The following PHACTR3 variants were observed in gnomAD, a reference collection of about 807,000 sequenced individuals.
PHACTR3 encodes the protein phosphatase and actin regulator 3.
PHACTR3 carries 16 observed loss-of-function variants against 66.8 expected under a neutral mutation model. That is an observed-to-expected ratio of 0.24 (90% CI 0.16 to 0.36). PHACTR3 has a LOEUF of 0.36. Ranked by LOEUF, PHACTR3 falls within the 10% of genes least tolerant of loss-of-function variation. The pLI is 1.00. For synonymous variants in PHACTR3, 323 were observed against 292.1 expected (o/e 1.11, Z -1.08); for missense variants, 647 against 719.9 (o/e 0.90, Z 1.16).
At chr20:59,685,594 G>A (rs1342159996) in intron 1 of PHACTR3, among the ~76,000 whole-genome samples, 1 of 152,160 alleles carries the variant, frequency 6.6e-6, no homozygotes, top group Non-Finnish European at 1.5e-5. Context: ...GTTGATCCTG[G>A]AGTTCCGGCC....
chr20:59,651,920 G>C (rs2035474110), intron 1 of PHACTR3, among the ~76,000 whole-genome samples: 1 of 152,080 alleles, frequency 6.6e-6, no homozygotes, highest in South Asian at 2.1e-4. Context: ...GATATAAAAG[G>C]AGATTTATTA....
chr20:59,820,401 G>A lies in PHACTR3; in HGVS notation c.1328+14207G>A, dbSNP rs533783180. ...GATCAGGCAAAATGGTGGCTATCAT[G>A]TATGGATCTTGTACGTTCTGCTTTT... On this transcript the variant is annotated intron_variant, in intron 8 of 12. Coordinates refer to ENST00000371015, the MANE Select transcript of PHACTR3 (RefSeq NM_080672.5). The surrounding 1 kb of genome is among the most constrained non-coding windows in gnomAD (Gnocchi z 4.6). 6.6e-6 allele frequency among the ~76,000 whole-genome samples: 1 copy of A among 152,346 alleles called. No homozygotes were observed. The highest frequency in any genetic ancestry group is 6.5e-5 in the Admixed American group (1 of 15,308).
intron 7 of PHACTR3, among the ~76,000 whole-genome samples, chr20:59,796,337 A>C (rs1328402538): frequency 6.6e-6 from 1 of 152,060 alleles, no homozygotes; most frequent in Non-Finnish European, 1.5e-5. Context: ...AGCTATAGTT[A>C]TTTTTGACCA....
intron 1 of PHACTR3, among the ~76,000 whole-genome samples, chr20:59,608,346 A>C (rs1241945147): frequency 6.6e-6 from 1 of 152,074 alleles, no homozygotes; most frequent in African/African-American, 2.4e-5. Flanking sequence ...GTATCTACAC[A>C]ATGTGCCTCT....
intron 1 of PHACTR3, among the ~76,000 whole-genome samples, chr20:59,645,485 C>T (rs901499571): frequency 5.3e-5 from 8 of 152,150 alleles, no homozygotes; most frequent in Non-Finnish European, 1.0e-4. Flanking sequence ...TGTGTGTCCG[C>T]CCCACACTGC....
chr20:59,791,452 G>A (rs546222662), intron 7 of PHACTR3, among the ~76,000 whole-genome samples: 45 of 152,142 alleles, frequency 3.0e-4, no homozygotes, highest in Non-Finnish European at 4.1e-4. Context: ...TAGGTTGAAG[G>A]GTGGCTCTGA....
chr20:59,818,257 C>G (rs1005128695), intron 8 of PHACTR3, among the ~76,000 whole-genome samples: 3 of 152,178 alleles, frequency 2.0e-5, no homozygotes, highest in Non-Finnish European at 2.9e-5. Context: ...TTACTTTCCT[C>G]CTCTGTAAAA....
chr20:59,734,180 G>T (rs1417245652), intron 1 of PHACTR3, among the ~76,000 whole-genome samples: 2 of 152,156 alleles, frequency 1.3e-5, no homozygotes, highest in African/African-American at 4.8e-5. Flanking sequence ...GGGTCCTCAA[G>T]TTCCAGTGCA....
rs757372225 is a variant in PHACTR3, at chr20:59,840,470, T to TCTAGAGAACAGCTGCTTCGGTAGC, written c.1446+41_1446+64dup. 19 of 1,609,076 alleles carry TCTAGAGAACAGCTGCTTCGGTAGC rather than the reference T, an allele frequency of 1.2e-5. No individual in the cohort carries two copies. In the East Asian group the frequency reaches 4.2e-4, roughly 36 times the overall value. ...TTATTGCCTGAATAATAAAAGGTGG[T>TCTAGAGAACAGCTGCTTCGGTAGC]CTAGAGAACAGCTGCTTCGGTAGCA... On this transcript the variant is annotated intron_variant, in intron 10 of 12. Coordinates refer to ENST00000371015, the MANE Select transcript of PHACTR3 (RefSeq NM_080672.5).
At chr20:59,780,630 G>T (rs6092825) in intron 7 of PHACTR3, among the ~76,000 whole-genome samples, 2 of 152,060 alleles carry the variant, frequency 1.3e-5, no homozygotes, top group Non-Finnish European at 2.9e-5. Flanking sequence ...TAGGAATTTT[G>T]GGGGACACAA....
At chr20:59,719,098 G>A (rs2038197542) in intron 1 of PHACTR3, among the ~76,000 whole-genome samples, 1 of 152,216 alleles carries the variant, frequency 6.6e-6, no homozygotes, top group African/African-American at 2.4e-5. Flanking sequence ...AATTAAGAAT[G>A]CACCTCCCCC....
intron 1 of PHACTR3, among the ~76,000 whole-genome samples, chr20:59,649,064 TC>T (rs2035378736): frequency 6.6e-6 from 1 of 152,202 alleles, no homozygotes; most frequent in Non-Finnish European, 1.5e-5. Flanking sequence ...TGGATGATTT[TC>T]CCCCAGAGTT....
intron 1 of PHACTR3, among the ~76,000 whole-genome samples, chr20:59,731,375 G>T (rs540743630): frequency 6.6e-6 from 1 of 152,302 alleles, no homozygotes; most frequent in South Asian, 2.1e-4. Flanking sequence ...TGCAAATGCA[G>T]ATGCATCCTA....
chr20:59,630,960 A>G (rs537440693), intron 1 of PHACTR3, among the ~76,000 whole-genome samples: 260 of 152,252 alleles, frequency 1.7e-3, no homozygotes, highest in Non-Finnish European at 3.0e-3. Flanking sequence ...GTTCATGAAG[A>G]AGGGGTGGGT....
Position 59,736,910 on chromosome 20 carries a change from C to T in PHACTR3, c.119-6197C>T, listed in dbSNP as rs906945865. ...GATGCAGAGCAGCACAGCCTGGGGCCCCTGGGCATGGGGTCTTCACTCCTC... is the reference window on the plus strand; with the variant it reads ...GATGCAGAGCAGCACAGCCTGGGGCTCCTGGGCATGGGGTCTTCACTCCTC... On this transcript the variant is annotated intron_variant, in intron 1 of 12. Transcript: ENST00000371015. The surrounding 1 kb of genome is among the most constrained non-coding windows in gnomAD (Gnocchi z 4.6). Among the ~76,000 whole-genome samples the T allele has an allele frequency of 1.1e-4, 16 of 152,148 alleles. No homozygotes were observed. Among genetic ancestry groups the T allele is most frequent in the African/African-American group, 3.6e-4 (15 of 41,456 alleles).
intron 1 of PHACTR3, among the ~76,000 whole-genome samples, chr20:59,613,494 G>GCTA (rs140627691): frequency 0.033 from 4,959 of 152,302 alleles, 98 homozygotes; most frequent in Middle Eastern, 0.071. Context: ...ACATCAAAAG[G>GCTA]CTACTCCCAG....
chr20:59,743,169 C>G lies in PHACTR3; in HGVS notation c.181C>G (p.Pro61Ala). The G allele has an allele frequency of 1.9e-6, 3 of 1,614,078 alleles. No homozygotes were observed. The highest frequency in any genetic ancestry group is 2.7e-5 in the African/African-American group (2 of 75,044). ...TCTGGTCTCAGGGATTCGAACTCCC[C>G]CTGTGAGGAGGAACAGCAAACTGGC... ...EYLVSGIRTP[P>A]VRRNSKLATL... The change falls in exon 2 of 13, where the codon CCT becomes GCT. Residue 61 changes from proline (P) to alanine (A), a missense_variant. Coordinates refer to ENST00000371015, the MANE Select transcript of PHACTR3 (RefSeq NM_080672.5).
intron 1 of PHACTR3, among the ~76,000 whole-genome samples, chr20:59,635,189 TC>T: frequency 1.7e-5 from 1 of 57,488 alleles, no homozygotes. Context: ...TTTCTTTCTT[TC>T]TTTCTCTTTC....
At chr20:59,710,695 A>G (rs1338712622) in intron 1 of PHACTR3, among the ~76,000 whole-genome samples, 1 of 151,762 alleles carries the variant, frequency 6.6e-6, no homozygotes, top group East Asian at 1.9e-4. Context: ...ATCCTCATTA[A>G]CCTTTACCTT....
Sources: allele counts gnomAD v4.1 joint callset (sites outside exome capture counted in the v4.1 genomes callset), GRCh38; gene constraint gnomAD v4.1.1; non-coding constraint Gnocchi (gnomAD v3.1); transcripts MANE v1.5; gene names NCBI Gene and HGNC (gene_info 2026-07-23, HGNC 2026-07-21).